Variants in ZNF766 observed in about 807,000 individuals in gnomAD.
The protein encoded by ZNF766 is zinc finger protein 766.
ZNF766 carries 13 observed loss-of-function variants against 13.2 expected under a neutral mutation model. That is an observed-to-expected ratio of 0.98 (90% CI 0.64 to 1.56). The LOEUF is 1.56. Among genes scored for constraint, ZNF766 ranks in the 40% most tolerant of loss-of-function variants. The pLI is 0.00. For synonymous variants in ZNF766, 178 were observed against 187.6 expected, an observed-to-expected ratio of 0.95 and a Z score of 0.42; for missense variants, 521 against 552.2, an observed-to-expected ratio of 0.94 and a Z score of 0.57.
At chr19:52,281,776 G>A (rs980431904) in intron 1 of ZNF766, 3 of 500,086 alleles carry the variant, frequency 6.0e-6, no homozygotes, top group Admixed American at 4.2e-5. Context: ...CTATAGAAGT[G>A]TTAGGTATTA....
chr19:52,283,830 C>A (rs890315511), intron 3 of ZNF766, among the ~76,000 whole-genome samples: 1 of 152,152 alleles, frequency 6.6e-6, no homozygotes, highest in African/African-American at 2.4e-5. Flanking sequence ...CTCCGCCTCC[C>A]GGGTACAAGT....
In ZNF766 at chr19:52,290,418, C is replaced by T. The variant is rs1460689169; in HGVS notation, c.627C>T (p.His209=). Residue 209 remains histidine, a synonymous_variant, in exon 4 of 4, where the codon CAC becomes CAT. Transcript: ENST00000439461. The part of the protein sequence containing the change: ...SSSLPNHQVI[H]TADKPNRCHE... ...GCCTTCCTAATCATCAAGTAATCCA[C>T]ACTGCAGATAAACCTAACAGATGTC... The T allele has an allele frequency of 6.2e-7, 1 of 1,613,916 alleles. No individual in the cohort carries two copies. The highest frequency in any genetic ancestry group is 2.2e-5 in the East Asian group (1 of 44,888).
intron 2 of ZNF766, 77 bp from the exon 3 acceptor site, chr19:52,283,208 T>A: frequency 6.6e-7 from 1 of 1,516,902 alleles, no homozygotes; most frequent in East Asian, 2.3e-5. Context: ...ATTTTTAATA[T>A]CATCTCTGCT....
rs1176963704 is a variant in ZNF766, at chr19:52,291,977, C to T, written c.*779C>T. 2 of 565,068 alleles carry T rather than the reference C, an allele frequency of 3.5e-6. No homozygotes were observed. Among genetic ancestry groups the T allele is most frequent in the Non-Finnish European group, 6.3e-6 (2 of 319,438 alleles). 35.0% of individuals were successfully genotyped at this position (565,068 alleles called of 1,614,324 possible). A position where few individuals can be genotyped will look rare whatever the true frequency, so the allele number is the denominator to read the frequency against. On this transcript the variant is annotated 3_prime_UTR_variant, in exon 4 of 4. Transcript: ENST00000439461. ...GTTCCAGCTACTCAAGAGGCCGAGGCAAGAGGATTGCTCAAGCCCAGGAGT... is the reference window on the plus strand; with the variant it reads ...GTTCCAGCTACTCAAGAGGCCGAGGTAAGAGGATTGCTCAAGCCCAGGAGT...
intron 3 of ZNF766, among the ~76,000 whole-genome samples, chr19:52,289,337 A>T (rs559894062): frequency 6.6e-6 from 1 of 151,710 alleles, no homozygotes; most frequent in Admixed American, 6.6e-5. Flanking sequence ...TTTTGGGTGG[A>T]GACGGGGTTT....
chr19:52,286,668 G>C (rs889335126), intron 3 of ZNF766, among the ~76,000 whole-genome samples: 1 of 152,086 alleles, frequency 6.6e-6, no homozygotes, highest in African/African-American at 2.4e-5. Flanking sequence ...TTCTGTTATT[G>C]TGGGATATTA....
Position 52,291,415 on chromosome 19 carries a change from TATA to T in ZNF766, c.*219_*221del. On this transcript the variant is annotated 3_prime_UTR_variant, in exon 4 of 4. Transcript: ENST00000439461. ...ATGTTGAACCTAATGATATGATGTG[TATA>T]AAGGGTGCAAGGACACGTGGAAATG... 1 of 512,098 alleles carries T rather than the reference TATA, an allele frequency of 2.0e-6. No individual in the cohort carries two copies. The highest frequency in any genetic ancestry group is 3.4e-6 in the Non-Finnish European group (1 of 294,610). 31.7% of individuals were successfully genotyped at this position (512,098 alleles called of 1,614,324 possible). A position where few individuals can be genotyped will look rare whatever the true frequency, so the allele number is the denominator to read the frequency against.
At chr19:52,284,070 T>C (rs1034301013) in intron 3 of ZNF766, among the ~76,000 whole-genome samples, 2 of 152,176 alleles carry the variant, frequency 1.3e-5, no homozygotes, top group Non-Finnish European at 2.9e-5. Context: ...GTTTTATGTT[T>C]TTGCCCTGCA....
At chr19:52,275,615 C>T (rs1981154414) in intron 1 of ZNF766, 1 of 151,988 alleles carries the variant, frequency 6.6e-6, no homozygotes, top group Non-Finnish European at 1.5e-5. Context: ...ATGGTAAGTG[C>T]CCTAGACAAG....
At chr19:52,285,662 C>T (rs1981780738) in intron 3 of ZNF766, among the ~76,000 whole-genome samples, 2 of 152,182 alleles carry the variant, frequency 1.3e-5, no homozygotes, top group Admixed American at 1.3e-4. Context: ...CTCTTGGAAC[C>T]CAGTCCTCTT....
chr19:52,270,741 GAGAA>G (rs1462499286), intron 1 of ZNF766, among the ~76,000 whole-genome samples: 2 of 152,134 alleles, frequency 1.3e-5, no homozygotes, highest in East Asian at 1.9e-4. Context: ...AAAGATTGGA[GAGAA>G]AGAGCAACAA....
At chr19:52,270,528 G>A (rs1329955504) in intron 1 of ZNF766, among the ~76,000 whole-genome samples, 1 of 152,028 alleles carries the variant, frequency 6.6e-6, no homozygotes, top group African/African-American at 2.4e-5. Context: ...GGGATTTGGA[G>A]CCAGGGCAGA....
At chr19:52,281,388 G>A (rs1467348089) in intron 1 of ZNF766, 6 of 262,394 alleles carry the variant, frequency 2.3e-5, no homozygotes, top group South Asian at 2.0e-4. Flanking sequence ...GTATGGTGGT[G>A]CGTGCCTGTA....
rs1422177090 is a variant in ZNF766, at chr19:52,290,598, T to A, written c.807T>A (p.Ser269Arg). Reference sequence around the variant, plus strand: ...ACGAGAAAGTGCATACTGGAGAGAGTCCTTACAAATGTAATGAGTGTGGCA... The same window carrying A: ...ACGAGAAAGTGCATACTGGAGAGAGACCTTACAAATGTAATGAGTGTGGCA... ...ARHEKVHTGESPYKCNECGKV... is the reference protein window; with the variant it reads ...ARHEKVHTGERPYKCNECGKV... The change falls in exon 4 of 4, where the codon AGT becomes AGA. Residue 269 changes from serine to arginine, a missense_variant. Transcript: ENST00000439461. 6.8e-6 allele frequency: 11 copies of A among 1,612,208 alleles called. No individual in the cohort carries two copies. Among genetic ancestry groups the A allele is most frequent in the Non-Finnish European group, 9.3e-6 (11 of 1,179,590 alleles).
At chr19:52,276,348 AT>A (rs1277526150) in intron 1 of ZNF766, among the ~76,000 whole-genome samples, 1 of 152,004 alleles carries the variant, frequency 6.6e-6, no homozygotes, top group African/African-American at 2.4e-5. Flanking sequence ...TTCTTGTATT[AT>A]TTTTATTGTA....
In ZNF766 at chr19:52,292,077, A is replaced by G; in HGVS notation, c.*879A>G. On this transcript the variant is annotated 3_prime_UTR_variant, in exon 4 of 4. Coordinates refer to ENST00000439461, the MANE Select transcript of ZNF766 (RefSeq NM_001010851.3). ...GGGTGACAGAGCGAGACCCTGTCTCAAAAGAAAAAAAAGGCTAGTTTTTAT... is the reference window on the plus strand; with the variant it reads ...GGGTGACAGAGCGAGACCCTGTCTCGAAAGAAAAAAAAGGCTAGTTTTTAT... 1.4e-6 allele frequency: 1 copy of G among 695,558 alleles called. No homozygotes were observed. The highest frequency in any genetic ancestry group is 2.4e-4 in the Middle Eastern group (1 of 4,148). The allele number at this position is 695,558 out of a possible 1,614,324, so 43.1% of individuals were successfully genotyped here.
intron 3 of ZNF766, 106 bp from the exon 4 acceptor site, chr19:52,289,960 C>T (rs1482026001): frequency 3.5e-6 from 4 of 1,155,172 alleles, no homozygotes; most frequent in Non-Finnish European, 4.9e-6. Context: ...GAGATCGTGC[C>T]ACTGCACTCC....
rs969761520 is a variant in ZNF766, at chr19:52,294,920, G to A, written c.*3722G>A. On this transcript the variant is annotated 3_prime_UTR_variant, in exon 4 of 4. Transcript: ENST00000439461. ...TTTATAGTAGACAATGAAAATTAGT[G>A]TGTGGGTTTATAATAAATATAATGT... 8 of 151,418 alleles carry A rather than the reference G, an allele frequency of 5.3e-5. No homozygotes were observed. The highest frequency in any genetic ancestry group is 1.9e-4 in the African/African-American group (8 of 41,310). 9.4% of individuals were successfully genotyped at this position (151,418 alleles called of 1,614,324 possible).
chr19:52,269,944 A>G (rs957742084), intron 1 of ZNF766, among the ~76,000 whole-genome samples: 22 of 152,092 alleles, frequency 1.4e-4, no homozygotes, highest in African/African-American at 5.1e-4. Context: ...CCGGGTCCCA[A>G]GCCTCGTCCT....
Sources: gnomAD v4.1 joint callset for allele counts (sites outside exome capture counted in the v4.1 genomes callset) on GRCh38, gnomAD v4.1.1 for gene constraint, MANE v1.5 for transcripts, NCBI Gene and HGNC (gene_info 2026-07-23, HGNC 2026-07-21) for gene names.